Variants in PROSER1 observed in about 807,000 individuals in gnomAD.
The protein encoded by PROSER1 is proline and serine-rich protein 1.
In PROSER1, 36 loss-of-function variants were observed where a neutral mutation model predicts 71.8. The ratio of observed to expected loss-of-function variants is 0.50; its 90% confidence interval spans 0.38 to 0.66. The LOEUF is 0.66. PROSER1 is among the 30% of genes least tolerant of loss of function. The pLI, the probability that PROSER1 is intolerant of heterozygous loss-of-function variation, is 0.00. For synonymous variants in PROSER1, 490 were observed against 452.4 expected (o/e 1.08, Z -1.06); for missense variants, 1,107 against 1,135.0 (o/e 0.98, Z 0.35).
intron 3 of PROSER1, among the ~76,000 whole-genome samples, chr13:39,031,293 G>A (rs1405876452): frequency 6.6e-6 from 1 of 152,132 alleles, no homozygotes; most frequent in East Asian, 1.9e-4. Flanking sequence ...AAACAGAAGT[G>A]CAAAAAACCA....
intron 7 of PROSER1, chr13:39,023,805 G>A (rs1355291225): frequency 3.3e-5 from 5 of 152,454 alleles, no homozygotes; most frequent in Non-Finnish European, 5.9e-5. Flanking sequence ...GCCAGATGCT[G>A]TACTTTTTAC....
chr13:39,022,430 T>C lies in PROSER1; in HGVS notation c.644-18A>G, dbSNP rs775408902. The C allele has an allele frequency of 5.8e-6, 9 of 1,547,734 alleles. No individual in the cohort carries two copies. In the East Asian group the frequency reaches 1.3e-4, roughly 23 times the overall value. On this transcript the variant is annotated intron_variant, in intron 8 of 12. Coordinates refer to ENST00000352251, the MANE Select transcript of PROSER1 (RefSeq NM_025138.5). ...ATAAGCACCTAAAATAAAAACACAA[T>C]AGAAAAAAATATACCTTAGGACTGT... is the stretch of plus-strand genomic sequence containing the variant.
At chr13:39,024,694 C>G (rs1445011860) in intron 6 of PROSER1, 138 bp from the exon 7 acceptor site, 1 of 634,176 alleles carries the variant, frequency 1.6e-6, no homozygotes, top group Non-Finnish European at 2.7e-6. Flanking sequence ...CATTTCAGTT[C>G]TGCACTGGCT....
chr13:39,025,409 G>T (rs937186849), intron 6 of PROSER1, among the ~76,000 whole-genome samples: 1 of 152,172 alleles, frequency 6.6e-6, no homozygotes, highest in Non-Finnish European at 1.5e-5. Flanking sequence ...CTCCCAGAAT[G>T]AATGGGGCTG....
intron 2 of PROSER1, 56 bp from the exon 3 acceptor site, chr13:39,031,687 A>G (rs771929898): frequency 1.4e-6 from 2 of 1,455,180 alleles, no homozygotes; most frequent in East Asian, 4.5e-5. Flanking sequence ...CATTTCTATA[A>G]GATTTCAGTA....
At chr13:39,016,974 C>T (rs1208661834) in intron 10 of PROSER1, among the ~76,000 whole-genome samples, 1 of 152,238 alleles carries the variant, frequency 6.6e-6, no homozygotes. Context: ...AAAAATACAA[C>T]GTCGCAGCAC....
chr13:39,023,223 T>TA (rs1231613484), intron 7 of PROSER1, 93 bp from the exon 8 acceptor site: 11 of 906,002 alleles, frequency 1.2e-5, no homozygotes, highest in Non-Finnish European at 1.8e-5. Context: ...CCTAATATGC[T>TA]AAAAATGTCC....
In PROSER1 at chr13:39,037,372, G is replaced by A. The variant is rs531537226; in HGVS notation, c.-130C>T. 1.2e-3 allele frequency: 848 copies of A among 713,584 alleles called. 4 individuals are homozygous for A. Among genetic ancestry groups the A allele is most frequent in the South Asian group, 1.8e-3 (111 of 62,160 alleles). The allele number at this position is 713,584 out of a possible 1,614,324, so 44.2% of individuals were successfully genotyped here. A position where few individuals can be genotyped will look rare whatever the true frequency, so the allele number is the denominator to read the frequency against. ...GAAAAAGACTCCACGAGCAAGAGAG[G>A]ATGCGAAGAGGTAGAGAGTATTGCA... On this transcript the variant is annotated 5_prime_UTR_variant, in exon 1 of 13. Transcript: ENST00000352251.
In PROSER1 at chr13:39,034,209, AACAC is replaced by A. The variant is rs199807081; in HGVS notation, c.46-17_46-14del. The A allele has an allele frequency of 5.8e-6, 9 of 1,549,202 alleles. No individual in the cohort carries two copies. Among genetic ancestry groups the A allele is most frequent in the Middle Eastern group, 1.7e-4 (1 of 5,798 alleles). On this transcript the variant is annotated splice_polypyrimidine_tract_variant and intron_variant, in intron 1 of 12. Coordinates refer to ENST00000352251, the MANE Select transcript of PROSER1 (RefSeq NM_025138.5). The stretch of plus-strand genomic sequence containing the variant: ...CTGTCAAAACAGCCTAAAAAAAAAA[AACAC>A]ACACACACAGAGTAAAACAGCATTA...
intron 7 of PROSER1, chr13:39,023,379 A>G (rs1009637789): frequency 1.5e-5 from 6 of 399,654 alleles, no homozygotes; most frequent in Non-Finnish European, 1.8e-5. Flanking sequence ...ATCATCTCCA[A>G]TAAGGGGTTA....
In PROSER1 at chr13:39,029,247, T is replaced by TAAAAAAAAA. The variant is rs34146778; in HGVS notation, c.275+25_275+33dup. 17 of 743,902 alleles carry TAAAAAAAAA rather than the reference T, an allele frequency of 2.3e-5. No individual in the cohort carries two copies. In the African/African-American group the frequency reaches 2.3e-4, roughly 10 times the overall value. The allele number at this position is 743,902 out of a possible 1,614,324, so 46.1% of individuals were successfully genotyped here. ...AAACGCTTCTACATTTTTTCCCAAG[T>TAAAAAAAAA]AAAAAAAAAAAAAAAAAAAAAAGAA... On this transcript the variant is annotated intron_variant, in intron 4 of 12. Coordinates refer to ENST00000352251, the MANE Select transcript of PROSER1 (RefSeq NM_025138.5).
Position 39,011,483 on chromosome 13 carries a change from T to A in PROSER1, c.2717A>T (p.His906Leu). 6.2e-7 allele frequency: 1 copy of A among 1,613,888 alleles called. No individual in the cohort carries two copies. Among genetic ancestry groups the A allele is most frequent in the African/African-American group, 1.3e-5 (1 of 75,052 alleles). ...ATAGCTTTCCAGAGCCGAAGCTGAA[T>A]GGACCTGATGGAAAGAAGAGCGTGT... ...AAQSALLQQV[H>L]SASALESYPA... The change falls in exon 13 of 13, where the codon CAT becomes CTT. Residue 906 changes from histidine to leucine, a missense_variant. By Grantham distance (99) the His-to-Leu change is moderately conservative. Coordinates refer to ENST00000352251, the MANE Select transcript of PROSER1 (RefSeq NM_025138.5).
At chr13:39,024,613 G>GT in intron 6 of PROSER1, 57 bp from the exon 7 acceptor site, 2 of 1,294,474 alleles carry the variant, frequency 1.5e-6, no homozygotes, top group Non-Finnish European at 2.1e-6. Flanking sequence ...CCTCAAACCA[G>GT]TAACAATAAC....
At chr13:39,028,192 G>C in intron 5 of PROSER1, 35 bp downstream of exon 5, 1 of 1,152,222 alleles carries the variant, frequency 8.7e-7, no homozygotes, top group Non-Finnish European at 1.3e-6. Flanking sequence ...GGAAAAACCA[G>C]CGTACCAAGT....
chr13:39,011,474 G>A lies in PROSER1; in HGVS notation c.2726C>T (p.Ser909Leu), dbSNP rs974740495. The A allele has an allele frequency of 1.7e-5, 28 of 1,613,820 alleles. No individual in the cohort carries two copies. The highest frequency in any genetic ancestry group is 2.4e-5 in the Non-Finnish European group (28 of 1,179,976). The change falls in exon 13 of 13, where the codon TCG (serine) becomes TTG (leucine). Residue 909 changes from serine to leucine, a missense_variant. Physicochemically the swap from Ser to Leu is moderately radical, Grantham distance 145 (BLOSUM62 -2). Coordinates refer to ENST00000352251, the MANE Select transcript of PROSER1 (RefSeq NM_025138.5). ...SALLQQVHSA[S>L]ALESYPAQPD... The stretch of plus-strand genomic sequence containing the variant: ...CTGAGCTGGATAGCTTTCCAGAGCC[G>A]AAGCTGAATGGACCTGATGGAAAGA...
At chr13:39,026,461 C>T in intron 5 of PROSER1, 74 bp from the exon 6 acceptor site, 1 of 850,430 alleles carries the variant, frequency 1.2e-6, no homozygotes, top group Non-Finnish European at 1.9e-6. Context: ...GGGAGCTCAG[C>T]TAAAAAAAAC....
At position 39,013,021 on chromosome 13, in the gene PROSER1, G is replaced by GT; in HGVS notation, c.2230dup (p.Thr744AsnfsTer52). 1.2e-6 allele frequency: 2 copies of GT among 1,614,142 alleles called. No individual in the cohort carries two copies. Among genetic ancestry groups the GT allele is most frequent in the Middle Eastern group, 3.3e-4 (2 of 6,062 alleles). ...AGAAAGCCCTGAGAGAACAGCTGCC[G>GT]TTGAGCTAGGATGAGGGAGAGATGT... On this transcript the variant is annotated frameshift_variant, in exon 11 of 13. Transcript: ENST00000352251. LOFTEE classifies it high-confidence loss of function.
intron 1 of PROSER1, among the ~76,000 whole-genome samples, chr13:39,036,328 A>G (rs1871097876): frequency 6.6e-6 from 1 of 152,238 alleles, no homozygotes; most frequent in South Asian, 2.1e-4. Context: ...AAGACCAGAG[A>G]CAATTTTAAT....
At chr13:39,031,679 T>C (rs1419175454) in intron 2 of PROSER1, 48 bp from the exon 3 acceptor site, 3 of 1,505,696 alleles carry the variant, frequency 2.0e-6, no homozygotes, top group Non-Finnish European at 2.8e-6. Context: ...TTTGCAAACA[T>C]TTCTATAAGA....
Sources: gnomAD v4.1 joint callset for allele counts (sites outside exome capture counted in the v4.1 genomes callset) on GRCh38, gnomAD v4.1.1 for gene constraint, MANE v1.5 for transcripts, NCBI Gene and HGNC (gene_info 2026-07-23, HGNC 2026-07-21) for gene names.